Variants in PLCXD3 observed in about 807,000 individuals in gnomAD.
The protein encoded by PLCXD3 is phosphatidylinositol specific phospholipase C X domain containing 3.
A neutral mutation model predicts 25.5 loss-of-function variants in PLCXD3; 19 were observed. That is an observed-to-expected ratio of 0.75 (90% CI 0.52 to 1.09). The LOEUF is 1.09. Ranked by LOEUF, PLCXD3 falls within the 50% of genes least tolerant of loss-of-function variation. The pLI, the probability that PLCXD3 is intolerant of heterozygous loss-of-function variation, is 0.00. For synonymous variants in PLCXD3, 174 were observed against 137.6 expected (o/e 1.26, Z -1.85); for missense variants, 411 against 388.1 (o/e 1.06, Z -0.50).
intron 1 of PLCXD3, among the ~76,000 whole-genome samples, chr5:41,467,950 G>T (rs1748061196): frequency 7.2e-6 from 1 of 138,912 alleles, no homozygotes; most frequent in Non-Finnish European, 1.5e-5. Flanking sequence ...ATGATGTTTT[G>T]ATTACAATGA....
chr5:41,488,055 T>C (rs1313519564), intron 1 of PLCXD3, among the ~76,000 whole-genome samples: 1 of 137,926 alleles, frequency 7.3e-6, no homozygotes, highest in East Asian at 2.2e-4. Flanking sequence ...CTCCTAAAGC[T>C]ATCCCTCCCC....
At chr5:41,440,885 A>C (rs905506325) in intron 1 of PLCXD3, among the ~76,000 whole-genome samples, 2 of 152,156 alleles carry the variant, frequency 1.3e-5, no homozygotes, top group African/African-American at 4.8e-5. Flanking sequence ...CTTTAACCTA[A>C]GGCAGAAAGG....
At chr5:41,384,953 C>A (rs318847) in intron 1 of PLCXD3, among the ~76,000 whole-genome samples, 138,851 of 152,144 alleles carry the variant, frequency 0.91, 63,752 homozygotes, top group African/African-American at 0.94. Context: ...TATTATTAGA[C>A]AAGAAAATAA....
intron 1 of PLCXD3, among the ~76,000 whole-genome samples, chr5:41,440,323 C>T (rs1241499091): frequency 6.9e-6 from 1 of 144,394 alleles, no homozygotes; most frequent in Non-Finnish European, 1.5e-5. Flanking sequence ...ACCTCTGCCT[C>T]CCGGGTTCAA....
intron 1 of PLCXD3, among the ~76,000 whole-genome samples, chr5:41,398,558 G>A (rs1444377532): frequency 6.6e-6 from 1 of 152,134 alleles, no homozygotes; most frequent in Non-Finnish European, 1.5e-5. Context: ...TCCCTGAGAT[G>A]AAGTATAGTT....
At chr5:41,495,194 A>G (rs1369597197) in intron 1 of PLCXD3, among the ~76,000 whole-genome samples, 1 of 152,238 alleles carries the variant, frequency 6.6e-6, no homozygotes, top group Non-Finnish European at 1.5e-5. Context: ...CTCCGTAGGG[A>G]GAGAAAGAGG....
intron 1 of PLCXD3, among the ~76,000 whole-genome samples, chr5:41,491,964 TG>T (rs1023988774): frequency 1.1e-4 from 16 of 152,366 alleles, no homozygotes; most frequent in Non-Finnish European, 1.3e-4. Flanking sequence ...TGTATGAATT[TG>T]ATCCTGTCAT....
At chr5:41,508,270 C>T (rs1158818103) in intron 1 of PLCXD3, among the ~76,000 whole-genome samples, 1 of 152,116 alleles carries the variant, frequency 6.6e-6, no homozygotes, top group Non-Finnish European at 1.5e-5. Context: ...TATTTTGTCC[C>T]AGGGCAGGAA....
At chr5:41,493,508 T>G (rs1304867516) in intron 1 of PLCXD3, among the ~76,000 whole-genome samples, 1 of 152,204 alleles carries the variant, frequency 6.6e-6, no homozygotes, top group Non-Finnish European at 1.5e-5. Flanking sequence ...ACTGCTGTCT[T>G]TTTGTTTGTC....
intron 1 of PLCXD3, among the ~76,000 whole-genome samples, chr5:41,387,553 G>A (rs1031483220): frequency 2.0e-5 from 3 of 152,034 alleles, no homozygotes; most frequent in Admixed American, 1.3e-4. Context: ...ATGTGTAAAG[G>A]GATATGAATG....
chr5:41,371,610 C>T (rs1235878777), intron 2 of PLCXD3, among the ~76,000 whole-genome samples: 1 of 152,204 alleles, frequency 6.6e-6, no homozygotes, highest in African/African-American at 2.4e-5. Flanking sequence ...CTTCTAGCAT[C>T]CTCTTACTGG....
At chr5:41,430,967 T>C (rs1365231010) in intron 1 of PLCXD3, among the ~76,000 whole-genome samples, 1 of 152,220 alleles carries the variant, frequency 6.6e-6, no homozygotes. Flanking sequence ...AGCTTTGAGC[T>C]GACCAATTGG....
rs768001030 is a variant in PLCXD3, at chr5:41,462,065, T to A, written c.103+48359A>T. On this transcript the variant is annotated intron_variant, in intron 1 of 2. Transcript: ENST00000377801. The stretch of plus-strand genomic sequence containing the variant: ...ACTCAGGCTAGGTTTTAGAAAGGCG[T>A]TTAATCTAGGCAGCAGATGTCATAC... 3.6e-4 allele frequency among the ~76,000 whole-genome samples: 54 copies of A among 151,920 alleles called. 1 individual carries two copies. The highest frequency in any genetic ancestry group is 7.9e-4 in the Admixed American group (12 of 15,244).
rs1392185935 is a variant in PLCXD3, at chr5:41,417,825, C to A, written c.104-35291G>T. 2.6e-5 allele frequency among the ~76,000 whole-genome samples: 4 copies of A among 152,270 alleles called. No individual in the cohort carries two copies. In the East Asian group the frequency reaches 7.7e-4, roughly 29 times the overall value. On this transcript the variant is annotated intron_variant, in intron 1 of 2. Coordinates refer to ENST00000377801, the MANE Select transcript of PLCXD3 (RefSeq NM_001005473.3). ...CCAGGAGGGCAGCCAGAGAAACGTG[C>A]CCACTGTGGGCCTGAGGGGGTGTCT...
Position 41,310,847 on chromosome 5 carries a change from G to T in PLCXD3, c.*2770C>A, listed in dbSNP as rs995978867. 6.6e-5 allele frequency: 10 copies of T among 152,564 alleles called. No individual in the cohort carries two copies. Among genetic ancestry groups the T allele is most frequent in the Non-Finnish European group, 1.5e-5 (1 of 68,016 alleles). The allele number at this position is 152,564 out of a possible 1,614,324, so 9.5% of individuals were successfully genotyped here. A position where few individuals can be genotyped will look rare whatever the true frequency, so the allele number is the denominator to read the frequency against. ...TGTCCACATGGAAACCATAGCATTG[G>T]CTTGAAACTGCCTTTTGTCTAACAA... On this transcript the variant is annotated 3_prime_UTR_variant, in exon 3 of 3. Coordinates refer to ENST00000377801, the MANE Select transcript of PLCXD3 (RefSeq NM_001005473.3).
intron 2 of PLCXD3, among the ~76,000 whole-genome samples, chr5:41,321,974 T>C (rs575899083): frequency 7.9e-5 from 12 of 152,292 alleles, no homozygotes; most frequent in African/African-American, 2.9e-4. Flanking sequence ...ACTATGAAAC[T>C]ACTATAAGAA....
At chr5:41,327,768 T>G (rs1464170551) in intron 2 of PLCXD3, among the ~76,000 whole-genome samples, 1 of 152,150 alleles carries the variant, frequency 6.6e-6, no homozygotes, top group African/African-American at 2.4e-5. Flanking sequence ...GTTAAAAATG[T>G]CCCCCACCAT....
chr5:41,502,683 C>A (rs1748977345), intron 1 of PLCXD3, among the ~76,000 whole-genome samples: 1 of 152,056 alleles, frequency 6.6e-6, no homozygotes, highest in African/African-American at 2.4e-5. Flanking sequence ...TCCAGTCACC[C>A]AAACCGCGTA....
intron 1 of PLCXD3, among the ~76,000 whole-genome samples, chr5:41,480,644 G>A (rs1244721468): frequency 6.6e-6 from 1 of 152,074 alleles, no homozygotes; most frequent in Admixed American, 6.5e-5. Flanking sequence ...TAGTGGGCCA[G>A]GAGCAGTGGC....
Sources: allele counts gnomAD v4.1 joint callset (sites outside exome capture counted in the v4.1 genomes callset), GRCh38; gene constraint gnomAD v4.1.1; transcripts MANE v1.5; gene names NCBI Gene and HGNC (gene_info 2026-07-23, HGNC 2026-07-21).